Variants in KCNIP1 observed in about 807,000 individuals in gnomAD.
The protein encoded by KCNIP1 is potassium voltage-gated channel interacting protein 1.
A neutral mutation model predicts 33.0 loss-of-function variants in KCNIP1; 18 were observed. The ratio of observed to expected loss-of-function variants is 0.55; its 90% CI spans 0.38 to 0.81. The LOEUF (loss-of-function observed/expected upper bound fraction) is 0.81, where lower values mean the gene tolerates loss of function less well. KCNIP1 is among the 30% of genes least tolerant of loss of function. KCNIP1 has a pLI of 0.00. For missense variants in KCNIP1, 238 were observed against 271.6 expected (o/e 0.88, Z 0.87); for synonymous variants, 93 against 98.3 (o/e 0.95, Z 0.32).
rs191032703 is a variant in KCNIP1, at chr5:170,595,498, G to A, written c.61+90865G>A. Among the ~76,000 whole-genome samples the A allele has an allele frequency of 9.2e-5, 14 of 152,362 alleles. No homozygotes were observed. In the East Asian group the frequency reaches 2.7e-3, roughly 29 times the overall value. On this transcript the variant is annotated intron_variant, in intron 1 of 7. Transcript: ENST00000328939. The stretch of plus-strand genomic sequence containing the variant: ...ATAAAGAAGCCCATGATGCTGGAAG[G>A]AAGGGCTCCCTGCAGGACCCTCTGG...
At chr5:170,708,812 T>C (rs1581528271) in intron 1 of KCNIP1, among the ~76,000 whole-genome samples, 1 of 152,306 alleles carries the variant, frequency 6.6e-6, no homozygotes, top group Middle Eastern at 3.4e-3. Context: ...GGTGGGAGGA[T>C]TGCTTGAGCC....
intron 1 of KCNIP1, among the ~76,000 whole-genome samples, chr5:170,654,349 C>A (rs554450042): frequency 6.6e-6 from 1 of 152,228 alleles, no homozygotes; most frequent in African/African-American, 2.4e-5. Flanking sequence ...GCAACCAAAG[C>A]CCCGAAGGAG....
intron 1 of KCNIP1, among the ~76,000 whole-genome samples, chr5:170,410,673 G>T (rs1455622656): frequency 6.6e-6 from 1 of 152,190 alleles, no homozygotes; most frequent in African/African-American, 2.4e-5. Context: ...AATGGCCCAT[G>T]TCTCTGTGGG....
intron 1 of KCNIP1, among the ~76,000 whole-genome samples, chr5:170,578,981 T>C (rs1757699103): frequency 6.6e-6 from 1 of 152,140 alleles, no homozygotes; most frequent in Non-Finnish European, 1.5e-5. Context: ...GACTGGAGCA[T>C]AGGGAGTTAT....
chr5:170,447,603 C>G lies in KCNIP1; in HGVS notation c.88+93639C>G, dbSNP rs180717095. On this transcript the variant is annotated intron_variant, in intron 1 of 7. Transcript: ENST00000377360. The stretch of plus-strand genomic sequence containing the variant: ...AGAATTCAGCCTCAGGGATGTTGGT[C>G]ATGCAAGCCACCAAATCAGTGCCAG... Among the ~76,000 whole-genome samples, 341 of 152,214 alleles carry G rather than the reference C, an allele frequency of 2.2e-3. 3 individuals are homozygous for G. Among genetic ancestry groups the G allele is most frequent in the Non-Finnish European group, 1.7e-3 (116 of 68,022 alleles).
rs1473737299 is a variant in KCNIP1, at chr5:170,504,408, A to T, written c.-165A>T. 1.4e-6 allele frequency: 2 copies of T among 1,447,944 alleles called. No homozygotes were observed. Among genetic ancestry groups the T allele is most frequent in the African/African-American group, 2.9e-5 (2 of 70,004 alleles). 89.7% of individuals were successfully genotyped at this position (1,447,944 alleles called of 1,614,324 possible). ...TGCGGGGCTGAAGAAGGAAGCCAGA[A>T]GCCTCCTAGCCTCGCCTCCACGCTT... On this transcript the variant is annotated 5_prime_UTR_variant, in exon 1 of 8. In the 5' UTR this introduces an upstream ATG that the reference lacks. Coordinates refer to ENST00000328939, the MANE Select transcript of KCNIP1 (RefSeq NM_014592.4). This position sits in a 1 kb window ranked among gnomAD's most constrained non-coding sequence, Gnocchi z 6.0.
At position 170,718,833 on chromosome 5, in the gene KCNIP1, C is replaced by G. The variant is rs1427198224; in HGVS notation, c.137C>G (p.Thr46Ser). The change falls in exon 2 of 8, where the codon ACC becomes AGC. Residue 46 changes from threonine to serine, a missense_variant. Transcript: ENST00000328939. ...GGACTGGAGCAGCTCGAGGCCCAGA[C>G]CAACTTCACCAAGAGGGAGCTGCAG... is the stretch of plus-strand genomic sequence containing the variant. ...PEGLEQLEAQTNFTKRELQVL... is the reference protein window; with the variant it reads ...PEGLEQLEAQSNFTKRELQVL... 6.2e-7 allele frequency: 1 copy of G among 1,609,948 alleles called. No homozygotes were observed. The highest frequency in any genetic ancestry group is 1.1e-5 in the South Asian group (1 of 90,666).
chr5:170,364,048 T>C (rs1157485004), intron 1 of KCNIP1, among the ~76,000 whole-genome samples: 1 of 151,556 alleles, frequency 6.6e-6, no homozygotes, highest in Non-Finnish European at 1.5e-5. Context: ...TCATCCAAGC[T>C]GGAGTGCAGT....
At chr5:170,518,214 G>A (rs1755222345) in intron 1 of KCNIP1, among the ~76,000 whole-genome samples, 1 of 152,108 alleles carries the variant, frequency 6.6e-6, no homozygotes, top group African/African-American at 2.4e-5. Flanking sequence ...GATGATAGTG[G>A]TAGTGGTGTC....
chr5:170,597,769 C>A, intron 1 of KCNIP1, among the ~76,000 whole-genome samples: 1 of 132,826 alleles, frequency 7.5e-6, no homozygotes. Context: ...ACTTCTGATG[C>A]TGGAGAGAGA....
intron 1 of KCNIP1, among the ~76,000 whole-genome samples, chr5:170,384,904 C>G (rs974229007): frequency 6.6e-6 from 1 of 152,230 alleles, no homozygotes; most frequent in African/African-American, 2.4e-5. Flanking sequence ...TTGAGGTATT[C>G]ATCAGGAGGC....
intron 1 of KCNIP1, among the ~76,000 whole-genome samples, chr5:170,412,483 A>G (rs556662617): frequency 1.3e-5 from 2 of 152,282 alleles, no homozygotes; most frequent in East Asian, 3.9e-4. Flanking sequence ...GAAAAATGCT[A>G]TAGGAGAGGG....
chr5:170,437,628 G>C (rs951208292), intron 1 of KCNIP1, among the ~76,000 whole-genome samples: 1 of 152,200 alleles, frequency 6.6e-6, no homozygotes, highest in African/African-American at 2.4e-5. Flanking sequence ...AGCAGGCTCA[G>C]AGACAGGAGG....
intron 1 of KCNIP1, among the ~76,000 whole-genome samples, chr5:170,410,838 C>T (rs550520491): frequency 6.6e-6 from 1 of 152,240 alleles, no homozygotes; most frequent in East Asian, 1.9e-4. Context: ...AGTGTAGGTG[C>T]ACAAAGATGC....
intron 1 of KCNIP1, among the ~76,000 whole-genome samples, chr5:170,659,647 G>T (rs538169554): frequency 6.6e-6 from 1 of 152,230 alleles, no homozygotes; most frequent in African/African-American, 2.4e-5. Flanking sequence ...ATTTGCAGAG[G>T]CAGTGAGGAG....
intron 1 of KCNIP1, chr5:170,422,451 T>C (rs1755516983): frequency 1.3e-5 from 2 of 152,014 alleles, no homozygotes; most frequent in South Asian, 4.2e-4. Context: ...TCAGGAAGAA[T>C]TACTCAGCAG....
chr5:170,458,466 T>C (rs1372662773), intron 1 of KCNIP1, among the ~76,000 whole-genome samples: 3 of 150,308 alleles, frequency 2.0e-5, no homozygotes, highest in Non-Finnish European at 3.0e-5. Context: ...AGGTAATCTA[T>C]AAAGGGAAAC....
At chr5:170,638,831 T>C (rs571125502) in intron 1 of KCNIP1, among the ~76,000 whole-genome samples, 2 of 152,284 alleles carry the variant, frequency 1.3e-5, no homozygotes, top group South Asian at 4.1e-4. Flanking sequence ...CTCCCGAATC[T>C]CCGGGCTTCC....
chr5:170,545,036 T>C (rs1187041242), intron 1 of KCNIP1, among the ~76,000 whole-genome samples: 2 of 152,218 alleles, frequency 1.3e-5, no homozygotes, highest in East Asian at 1.9e-4. Context: ...AAGATTCTTA[T>C]TTGGTATGTC....
Sources: gnomAD v4.1 joint callset for allele counts (sites outside exome capture counted in the v4.1 genomes callset) on GRCh38, gnomAD v4.1.1 for gene constraint, Gnocchi (gnomAD v3.1) non-coding constraint, MANE v1.5 for transcripts, NCBI Gene and HGNC (gene_info 2026-07-23, HGNC 2026-07-21) for gene names.